The following NRG3 variants were observed in gnomAD, a reference collection of about 807,000 sequenced individuals.
NRG3 encodes the protein pro-neuregulin-3, membrane-bound isoform.
Under a neutral mutation model 66.9 loss-of-function variants are expected in NRG3, and 31 were observed. The observed-to-expected ratio is 0.46, with a 90% CI of 0.35 to 0.63. The LOEUF (loss-of-function observed/expected upper bound fraction) is 0.63, where lower values mean the gene tolerates loss of function less well. Among genes scored for constraint, NRG3 ranks in the 20% least tolerant of loss-of-function variants. NRG3 has a pLI of 0.00. For missense variants in NRG3, 910 were observed against 878.9 expected (o/e 1.04, Z -0.45); for synonymous variants, 393 against 359.4 (o/e 1.09, Z -1.06).
chr10:82,242,461 G>A (rs2077047905), intron 1 of NRG3, among the ~76,000 whole-genome samples: 1 of 152,158 alleles, frequency 6.6e-6, no homozygotes, highest in Non-Finnish European at 1.5e-5. Flanking sequence ...TGTTGGGCTT[G>A]TATTTTCTCT....
intron 6 of NRG3, among the ~76,000 whole-genome samples, chr10:82,968,551 G>A (rs757334399): frequency 3.3e-5 from 5 of 151,998 alleles, no homozygotes; most frequent in Non-Finnish European, 5.9e-5. Context: ...AGTGTTATCC[G>A]GAATTTTGGA....
intron 1 of NRG3, among the ~76,000 whole-genome samples, chr10:81,958,317 C>G (rs1450013809): frequency 6.6e-6 from 1 of 152,078 alleles, no homozygotes; most frequent in East Asian, 1.9e-4. Context: ...GTGGCCAATT[C>G]AGGAAAAACA....
intron 3 of NRG3, among the ~76,000 whole-genome samples, chr10:82,792,054 T>C (rs2060610088): frequency 6.6e-6 from 1 of 152,178 alleles, no homozygotes; most frequent in Non-Finnish European, 1.5e-5. Context: ...CTTGCTGGTT[T>C]TGTTGTTGTC....
intron 4 of NRG3, among the ~76,000 whole-genome samples, chr10:82,910,911 T>A (rs1845256272): frequency 6.6e-6 from 1 of 152,230 alleles, no homozygotes; most frequent in Admixed American, 6.5e-5. Flanking sequence ...GACACAGTTG[T>A]GCGTGCATGG....
chr10:82,860,492 C>T (rs887200436), intron 3 of NRG3, among the ~76,000 whole-genome samples: 3 of 152,168 alleles, frequency 2.0e-5, no homozygotes, highest in Non-Finnish European at 4.4e-5. Flanking sequence ...GTTCCCAGCA[C>T]TTATGGGCAA....
At chr10:82,773,451 G>T (rs1293801508) in intron 3 of NRG3, among the ~76,000 whole-genome samples, 1 of 151,972 alleles carries the variant, frequency 6.6e-6, no homozygotes, top group African/African-American at 2.4e-5. Context: ...TCAGCTATCG[G>T]GTTGTAAATG....
intron 2 of NRG3, among the ~76,000 whole-genome samples, chr10:82,375,714 C>T (rs17099901): frequency 0.016 from 2,410 of 152,100 alleles, 64 homozygotes; most frequent in African/African-American, 0.054. Flanking sequence ...AGCAGGGTGA[C>T]CCTTGGTAAT....
At chr10:82,178,564 T>G (rs1312693559) in intron 1 of NRG3, among the ~76,000 whole-genome samples, 1 of 152,178 alleles carries the variant, frequency 6.6e-6, no homozygotes, top group Non-Finnish European at 1.5e-5. Context: ...ATTTTCTTCT[T>G]TTTATGGCTA....
chr10:82,761,010 A>G (rs1408720532), intron 3 of NRG3, among the ~76,000 whole-genome samples: 3 of 151,960 alleles, frequency 2.0e-5, no homozygotes, highest in Non-Finnish European at 2.9e-5. Context: ...TTCAATAAAT[A>G]GCACTGAGGA....
chr10:82,555,190 A>G (rs1271978420), intron 2 of NRG3, among the ~76,000 whole-genome samples: 1 of 152,194 alleles, frequency 6.6e-6, no homozygotes, highest in African/African-American at 2.4e-5. Context: ...TTTTTTCTAT[A>G]GATTAACCTT....
At chr10:81,969,185 C>G (rs1401810894) in intron 1 of NRG3, among the ~76,000 whole-genome samples, 2 of 152,124 alleles carry the variant, frequency 1.3e-5, no homozygotes, top group African/African-American at 4.8e-5. Context: ...TCCTGTCTCC[C>G]CTGCCACCAC....
At chr10:82,653,159 C>A (rs896718782) in intron 2 of NRG3, among the ~76,000 whole-genome samples, 1 of 152,136 alleles carries the variant, frequency 6.6e-6, no homozygotes, top group African/African-American at 2.4e-5. Flanking sequence ...ATGTTTCATA[C>A]CTCTTGGCAG....
intron 1 of NRG3, among the ~76,000 whole-genome samples, chr10:81,971,233 C>T (rs992937932): frequency 6.6e-6 from 1 of 152,222 alleles, no homozygotes; most frequent in Non-Finnish European, 1.5e-5. Flanking sequence ...GTAAATATTT[C>T]TCTTTTTATA....
At position 82,635,632 on chromosome 10, in the gene NRG3, C is replaced by G. The variant is rs145118873; in HGVS notation, c.954-102945C>G. ...TTATTGTTATCTGTCCTCGACGTAGCAGAAGCTAAATACATTTTTTGGTTT... is the reference window on the plus strand; with the variant it reads ...TTATTGTTATCTGTCCTCGACGTAGGAGAAGCTAAATACATTTTTTGGTTT... On this transcript the variant is annotated intron_variant, in intron 2 of 8. Coordinates refer to ENST00000372141, the MANE Select transcript of NRG3 (RefSeq NM_001010848.4). Among the ~76,000 whole-genome samples, 119 of 152,250 alleles carry G rather than the reference C, an allele frequency of 7.8e-4. 1 individual carries two copies. The highest frequency in any genetic ancestry group is 2.8e-3 in the African/African-American group (116 of 41,534).
intron 2 of NRG3, among the ~76,000 whole-genome samples, chr10:82,380,769 C>T (rs1424152769): frequency 1.3e-5 from 2 of 152,134 alleles, no homozygotes; most frequent in African/African-American, 2.4e-5. Context: ...AGTCACATTG[C>T]ACATGTACCT....
rs112538150 is a variant in NRG3, at chr10:82,770,748, A to T, written c.1027+32098A>T. 2.4e-3 allele frequency among the ~76,000 whole-genome samples: 367 copies of T among 152,264 alleles called. 1 individual carries two copies. Among genetic ancestry groups the T allele is most frequent in the African/African-American group, 8.3e-3 (345 of 41,562 alleles). On this transcript the variant is annotated intron_variant, in intron 3 of 8. Transcript: ENST00000372141. Reference sequence around the variant, plus strand: ...ATAGAAATGTAGGCTGAGATTGGAGATAAGGGCTGGCAGGAAACTCATTGT... The same window carrying T: ...ATAGAAATGTAGGCTGAGATTGGAGTTAAGGGCTGGCAGGAAACTCATTGT...
At chr10:82,246,317 G>T (rs2077242412) in intron 1 of NRG3, among the ~76,000 whole-genome samples, 1 of 152,092 alleles carries the variant, frequency 6.6e-6, no homozygotes, top group Admixed American at 6.6e-5. Context: ...TGCTTGATAT[G>T]CCTCATTTTT....
rs1011244043 is a variant in NRG3 at position 82,390,349 on chromosome 10, G to A, written c.953+31481G>A. On this transcript the variant is annotated intron_variant, in intron 2 of 8. Coordinates refer to ENST00000372141, the MANE Select transcript of NRG3 (RefSeq NM_001010848.4). ...GTTTGTTTGTGTTTTTTTGTGGGGG[G>A]GCTGGGGTGGATTGTTCTCAAAATG... Among the ~76,000 whole-genome samples the A allele has an allele frequency of 2.0e-5, 3 of 152,034 alleles. No individual in the cohort carries two copies. The South Asian group carries it at 6.2e-4, about 32-fold the overall frequency.
chr10:82,099,793 C>G (rs1381371752), intron 1 of NRG3, among the ~76,000 whole-genome samples: 2 of 151,432 alleles, frequency 1.3e-5, no homozygotes, highest in African/African-American at 4.9e-5. Context: ...AAGACTTCCT[C>G]TCTACAAAAA....
Sources: allele counts gnomAD v4.1 joint callset (sites outside exome capture counted in the v4.1 genomes callset), GRCh38; gene constraint gnomAD v4.1.1; transcripts MANE v1.5; gene names NCBI Gene and HGNC (gene_info 2026-07-23, HGNC 2026-07-21).